CUBN: variants seen among roughly 807,000 people sequenced by gnomAD.
CUBN encodes 460 kDa receptor.
In CUBN, 282 loss-of-function variants were observed where a neutral mutation model predicts 405.3. The ratio of observed to expected loss-of-function variants is 0.70; its 90% CI spans 0.63 to 0.77. The LOEUF is 0.77. Among genes scored for constraint, CUBN ranks in the 30% least tolerant of loss-of-function variants. The pLI, the probability that CUBN is intolerant of heterozygous loss-of-function variation, is 0.00. For missense variants in CUBN, 4,514 were observed against 4,475.2 expected, an observed-to-expected ratio of 1.01 and a Z score of -0.25; for synonymous variants, 1,684 against 1,617.0, an observed-to-expected ratio of 1.04 and a Z score of -0.99.
intron 19 of CUBN, among the ~76,000 whole-genome samples, chr10:17,069,284 G>A (rs920799997): frequency 2.6e-5 from 4 of 152,140 alleles, no homozygotes; most frequent in Admixed American, 6.5e-5. Flanking sequence ...GATGATGACT[G>A]TAGATATATT....
intron 56 of CUBN, among the ~76,000 whole-genome samples, chr10:16,884,379 T>G (rs1312071806): frequency 8.1e-6 from 1 of 124,076 alleles, no homozygotes; most frequent in Non-Finnish European, 1.8e-5. Flanking sequence ...GTAAGAAAAC[T>G]GGATCTATAA....
chr10:17,013,366 CTCTT>C lies in CUBN; in HGVS notation c.4168+6463_4168+6466del, dbSNP rs367785624. ...TGACTTTCTATCTCTCTGTCTCCTTCTCTTTCTTTCTCTTTCTCTCTGACTCCCT... is the reference window on the plus strand; with the variant it reads ...TGACTTTCTATCTCTCTGTCTCCTTCTCTTTCTCTTTCTCTCTGACTCCCT... On this transcript the variant is annotated intron_variant, in intron 28 of 66. Coordinates refer to ENST00000377833, the MANE Select transcript of CUBN (RefSeq NM_001081.4). 6.7e-4 allele frequency among the ~76,000 whole-genome samples: 102 copies of C among 151,758 alleles called. 1 individual carries two copies. Among genetic ancestry groups the C allele is most frequent in the African/African-American group, 2.3e-3 (94 of 41,294 alleles).
At chr10:17,072,672 CT>C (rs1008974210) in intron 17 of CUBN, among the ~76,000 whole-genome samples, 1 of 152,070 alleles carries the variant, frequency 6.6e-6, no homozygotes, top group Non-Finnish European at 1.5e-5. Flanking sequence ...CATTCAAGAA[CT>C]GTTTTTTTGA....
chr10:17,018,759 T>C (rs1474148243), intron 28 of CUBN, among the ~76,000 whole-genome samples: 4 of 152,332 alleles, frequency 2.6e-5, no homozygotes, highest in Admixed American at 2.6e-4. Context: ...AGAGCACTGA[T>C]TGGTCCGTTT....
chr10:17,014,901 G>A (rs952330485), intron 28 of CUBN, among the ~76,000 whole-genome samples: 2 of 152,206 alleles, frequency 1.3e-5, no homozygotes, highest in Admixed American at 6.5e-5. Flanking sequence ...GAGTCAGAGT[G>A]CAGGAGAATA....
intron 31 of CUBN, chr10:16,965,837 C>G: frequency 2.7e-6 from 1 of 366,834 alleles, no homozygotes; most frequent in East Asian, 8.1e-5. Flanking sequence ...CATTTGTTTA[C>G]ATTTGATTCT....
chr10:16,845,660 G>C (rs1479472264), intron 60 of CUBN, among the ~76,000 whole-genome samples: 1 of 152,214 alleles, frequency 6.6e-6, no homozygotes, highest in African/African-American at 2.4e-5. Context: ...GCAATGTCTA[G>C]AATATAGTAG....
At chr10:17,025,858 G>C (rs1403234356) in intron 27 of CUBN, among the ~76,000 whole-genome samples, 1 of 152,136 alleles carries the variant, frequency 6.6e-6, no homozygotes, top group South Asian at 2.1e-4. Flanking sequence ...CATCCTGTGT[G>C]GGGTGGAGAT....
chr10:16,901,813 A>G (rs1416921902), intron 51 of CUBN, among the ~76,000 whole-genome samples: 1 of 149,474 alleles, frequency 6.7e-6, no homozygotes, highest in African/African-American at 2.5e-5. Context: ...AGGTCATGCC[A>G]TTGCACTCCA....
Position 16,948,595 on chromosome 10 carries a change from C to G in CUBN, c.5092G>C (p.Gly1698Arg). The change falls in exon 35 of 67, where the codon GGC (glycine) becomes CGC (arginine). Residue 1698 changes from glycine to arginine, a missense_variant. Physicochemically the swap from Gly to Arg is moderately radical, Grantham distance 125. Transcript: ENST00000377833. ...EDAPLRGRYC[G>R]TDMPHPITSF... is the part of the protein sequence containing the mutation. ...GTGATAGGATGGGGCATGTCGGTGCCACAGTAACGGCCTAAATAATGAAGA... is the reference window on the plus strand; with the variant it reads ...GTGATAGGATGGGGCATGTCGGTGCGACAGTAACGGCCTAAATAATGAAGA... The G allele has an allele frequency of 6.2e-7, 1 of 1,613,806 alleles. No individual in the cohort carries two copies. Among genetic ancestry groups the G allele is most frequent in the Non-Finnish European group, 8.5e-7 (1 of 1,179,880 alleles).
chr10:16,915,283 T>C (rs1206187333), intron 46 of CUBN, 111 bp from the exon 47 acceptor site: 2 of 1,286,206 alleles, frequency 1.6e-6, no homozygotes, highest in Non-Finnish European at 2.2e-6. Context: ...AGACCCTGCC[T>C]ATGAAGAAAC....
At chr10:17,032,579 G>C (rs2356216) in intron 27 of CUBN, among the ~76,000 whole-genome samples, 9,219 of 152,208 alleles carry the variant, frequency 0.061, 438 homozygotes, top group East Asian at 0.19. Flanking sequence ...ATTGGTAGTA[G>C]TGTCTAGCAC....
chr10:16,975,478 T>C (rs569406261), intron 31 of CUBN, among the ~76,000 whole-genome samples: 2 of 152,338 alleles, frequency 1.3e-5, no homozygotes, highest in African/African-American at 4.8e-5. Flanking sequence ...ACACTTTGTA[T>C]GTTAAATTCC....
chr10:16,829,750 G>C (rs1838918826), intron 65 of CUBN, among the ~76,000 whole-genome samples: 1 of 152,076 alleles, frequency 6.6e-6, no homozygotes, highest in Non-Finnish European at 1.5e-5. Flanking sequence ...GACCACTGAG[G>C]TCTAATCTCA....
intron 27 of CUBN, among the ~76,000 whole-genome samples, chr10:17,026,536 G>A (rs1834667902): frequency 6.6e-6 from 1 of 152,082 alleles, no homozygotes. Flanking sequence ...GGAAGACTGA[G>A]GCAGGAGAAT....
In CUBN at chr10:16,902,943, G is replaced by A. The variant is rs147894153; in HGVS notation, c.8062+1023C>T. Among the ~76,000 whole-genome samples, 25 of 152,272 alleles carry A rather than the reference G, an allele frequency of 1.6e-4. No homozygotes were observed. The East Asian group carries it at 3.1e-3, about 19-fold the overall frequency. On this transcript the variant is annotated intron_variant, in intron 51 of 66. Coordinates refer to ENST00000377833, the MANE Select transcript of CUBN (RefSeq NM_001081.4). ...GGAATCTAAACAAACTGGCATGCTC[G>A]TGAAAAGGGACTAGAAAACCTCCCA... is the stretch of plus-strand genomic sequence containing the variant.
At chr10:17,058,256 TAA>T (rs1400911549) in intron 22 of CUBN, among the ~76,000 whole-genome samples, 2 of 152,036 alleles carry the variant, frequency 1.3e-5, no homozygotes, top group Non-Finnish European at 2.9e-5. Flanking sequence ...TTGAGGAAAC[TAA>T]TAAAAGGAAC....
chr10:16,883,786 C>T (rs1840730463), intron 56 of CUBN, among the ~76,000 whole-genome samples: 1 of 152,152 alleles, frequency 6.6e-6, no homozygotes, highest in Non-Finnish European at 1.5e-5. Flanking sequence ...GCATTTGTCC[C>T]TTTGGTGTTT....
chr10:16,886,387 C>G (rs548949369), intron 56 of CUBN, among the ~76,000 whole-genome samples: 1 of 152,322 alleles, frequency 6.6e-6, no homozygotes, highest in South Asian at 2.1e-4. Context: ...CCATGAGAGA[C>G]TAACCCAAGA....
Sources: allele counts gnomAD v4.1 joint callset (sites outside exome capture counted in the v4.1 genomes callset), GRCh38; gene constraint gnomAD v4.1.1; transcripts MANE v1.5; gene names NCBI Gene and HGNC (gene_info 2026-07-23, HGNC 2026-07-21).